CACNB2: variants seen among roughly 807,000 people sequenced by gnomAD.
The protein encoded by CACNB2 is voltage-dependent L-type calcium channel subunit beta-2.
A neutral mutation model predicts 73.3 loss-of-function variants in CACNB2; 42 were observed. That is an observed-to-expected ratio of 0.57 (90% CI 0.45 to 0.74). CACNB2 has a LOEUF of 0.74. Among genes scored for constraint, CACNB2 ranks in the 30% least tolerant of loss-of-function variants. The pLI, the probability that CACNB2 is intolerant of heterozygous loss-of-function variation, is 0.00. For missense variants in CACNB2, 940 were observed against 853.0 expected, an observed-to-expected ratio of 1.10 and a Z score of -1.27; for synonymous variants, 348 against 310.3, an observed-to-expected ratio of 1.12 and a Z score of -1.28.
intron 3 of CACNB2, among the ~76,000 whole-genome samples, chr10:18,439,782 G>A (rs1206289699): frequency 2.0e-5 from 3 of 152,064 alleles, no homozygotes; most frequent in Admixed American, 6.6e-5. Context: ...ATCCAGATTC[G>A]CTCATCCTTC....
intron 12 of CACNB2, among the ~76,000 whole-genome samples, chr10:18,537,802 CA>C (rs1433939911): frequency 1.3e-5 from 2 of 152,038 alleles, no homozygotes; most frequent in African/African-American, 4.8e-5. Context: ...AAAAAGATAT[CA>C]CAATCTTTAT....
chr10:18,146,820 G>A (rs574437250), intron 1 of CACNB2, among the ~76,000 whole-genome samples: 3 of 152,054 alleles, frequency 2.0e-5, no homozygotes, highest in Non-Finnish European at 2.9e-5. Context: ...ACAGGGTTTC[G>A]CCATGTTGGC....
At chr10:18,538,139 T>C (rs1275819978) in intron 12 of CACNB2, 41 bp from the exon 13 acceptor site, 2 of 1,607,186 alleles carry the variant, frequency 1.2e-6, no homozygotes, top group Admixed American at 1.7e-5. Context: ...GGGTGAAAAC[T>C]GGGCTGGCAT....
At chr10:18,353,668 C>T (rs529407350) in intron 2 of CACNB2, among the ~76,000 whole-genome samples, 9 of 152,148 alleles carry the variant, frequency 5.9e-5, no homozygotes, top group African/African-American at 2.2e-4. Context: ...TACAATATTC[C>T]AGGGGTTATG....
At position 18,168,497 on chromosome 10, in the gene CACNB2, T is replaced by TTG. The variant is rs111401264; in HGVS notation, c.213+17543_213+17544dup. Among the ~76,000 whole-genome samples, 569 of 149,774 alleles carry TTG rather than the reference T, an allele frequency of 3.8e-3. 2 individuals are homozygous for TTG. Among genetic ancestry groups the TTG allele is most frequent in the South Asian group, 0.012 (58 of 4,736 alleles). On this transcript the variant is annotated intron_variant, in intron 2 of 13. Transcript: ENST00000324631. ...CTAGATTTACATCTTTCTTCCTTCTTTGTGTGTGTGTGTGTGTGTGTGAGT... is the reference window on the plus strand; with the variant it reads ...CTAGATTTACATCTTTCTTCCTTCTTTGTGTGTGTGTGTGTGTGTGTGTGAGT...
At chr10:18,393,554 T>G (rs2043581306) in intron 2 of CACNB2, among the ~76,000 whole-genome samples, 1 of 152,196 alleles carries the variant, frequency 6.6e-6, no homozygotes, top group South Asian at 2.1e-4. Flanking sequence ...TGCCTACTAT[T>G]TGTACTTTAT....
At chr10:18,414,729 C>T (rs2044843948) in intron 3 of CACNB2, among the ~76,000 whole-genome samples, 1 of 151,806 alleles carries the variant, frequency 6.6e-6, no homozygotes, top group Non-Finnish European at 1.5e-5. Flanking sequence ...ATTTTAAAAC[C>T]ATAAATAGAT....
At chr10:18,145,543 TTTA>T (rs2030878143) in intron 1 of CACNB2, among the ~76,000 whole-genome samples, 2 of 152,316 alleles carry the variant, frequency 1.3e-5, no homozygotes, top group Non-Finnish European at 2.9e-5. Flanking sequence ...TCATGCTCAT[TTTA>T]TTTTTCTCTC....
chr10:18,535,909 AATG>A, intron 11 of CACNB2, among the ~76,000 whole-genome samples, 189 bp from the exon 12 acceptor site: 1 of 152,260 alleles, frequency 6.6e-6, no homozygotes, highest in African/African-American at 2.4e-5. Context: ...GCATAGAAAA[AATG>A]TGAGTGCTTA....
At chr10:18,279,546 T>C (rs2038449401) in intron 2 of CACNB2, among the ~76,000 whole-genome samples, 1 of 152,242 alleles carries the variant, frequency 6.6e-6, no homozygotes, top group South Asian at 2.1e-4. Context: ...GCATATAATA[T>C]GCCAGAGTAA....
intron 2 of CACNB2, among the ~76,000 whole-genome samples, chr10:18,152,961 G>C (rs1271337696): frequency 6.6e-6 from 1 of 152,102 alleles, no homozygotes; most frequent in Non-Finnish European, 1.5e-5. Flanking sequence ...GGTATTTTTG[G>C]CTGTGAATTC....
intron 2 of CACNB2, among the ~76,000 whole-genome samples, chr10:18,398,074 G>A (rs1012431900): frequency 2.0e-5 from 3 of 152,150 alleles, no homozygotes; most frequent in African/African-American, 7.2e-5. Context: ...TTATGGAAAC[G>A]ACCGCCAGCT....
chr10:18,155,307 ATCTG>A (rs2031951398), intron 2 of CACNB2, among the ~76,000 whole-genome samples: 3 of 152,228 alleles, frequency 2.0e-5, no homozygotes, highest in African/African-American at 7.2e-5. Context: ...ATCATTTTGT[ATCTG>A]AATTCTTTCA....
chr10:18,370,166 A>G (rs981260979), intron 2 of CACNB2, among the ~76,000 whole-genome samples: 5 of 152,208 alleles, frequency 3.3e-5, no homozygotes, highest in African/African-American at 9.6e-5. Context: ...TTGAATATTG[A>G]GTTACATTTA....
chr10:18,503,637 T>C (rs1003269521), intron 5 of CACNB2, among the ~76,000 whole-genome samples: 8 of 152,202 alleles, frequency 5.3e-5, no homozygotes, highest in Non-Finnish European at 7.3e-5. Flanking sequence ...TTTGTTTTAA[T>C]AGGGTGTAGA....
intron 2 of CACNB2, among the ~76,000 whole-genome samples, chr10:18,246,899 AC>A (rs2036882613): frequency 6.6e-6 from 1 of 152,202 alleles, no homozygotes; most frequent in African/African-American, 2.4e-5. Context: ...GGCATGAGCC[AC>A]CAGACCCAGC....
chr10:18,252,681 T>C (rs1290643948), intron 2 of CACNB2, among the ~76,000 whole-genome samples: 4 of 152,214 alleles, frequency 2.6e-5, no homozygotes, highest in African/African-American at 9.7e-5. Flanking sequence ...TTAAATAATT[T>C]GTCATAGTGC....
chr10:18,510,923 G>T (rs368969727), intron 6 of CACNB2, among the ~76,000 whole-genome samples: 1 of 152,142 alleles, frequency 6.6e-6, no homozygotes, highest in Non-Finnish European at 1.5e-5. Flanking sequence ...CCAGGAAAGC[G>T]CTGACAACAT....
chr10:18,480,691 G>A (rs566440625), intron 3 of CACNB2, among the ~76,000 whole-genome samples: 1 of 152,282 alleles, frequency 6.6e-6, no homozygotes, highest in African/African-American at 2.4e-5. Context: ...TGTTTCCAGT[G>A]CATCATTTTG....
Sources: gnomAD v4.1 joint callset for allele counts (sites outside exome capture counted in the v4.1 genomes callset) on GRCh38, gnomAD v4.1.1 for gene constraint, MANE v1.5 for transcripts, NCBI Gene and HGNC (gene_info 2026-07-23, HGNC 2026-07-21) for gene names.